SORBS3: variants seen among roughly 807,000 people sequenced by gnomAD.
SORBS3 encodes the protein vinexin.
In SORBS3, 69 loss-of-function variants were observed where a neutral mutation model predicts 98.0. The observed-to-expected ratio is 0.70, with a 90% CI of 0.58 to 0.86. The LOEUF (loss-of-function observed/expected upper bound fraction) is 0.86, where lower values mean the gene tolerates loss of function less well. SORBS3 is among the 40% of genes least tolerant of loss of function. SORBS3 has a pLI of 0.00. For synonymous variants in SORBS3, 394 were observed against 355.4 expected, an observed-to-expected ratio of 1.11 and a Z score of -1.22; for missense variants, 954 against 908.5, an observed-to-expected ratio of 1.05 and a Z score of -0.64.
chr8:22,565,826 A>G lies in SORBS3; in HGVS notation c.904A>G (p.Ser302Gly). ...AIETRLPSPKSSPAPRRAPEQ... is the reference protein window; with the variant it reads ...AIETRLPSPKGSPAPRRAPEQ... ...CTGATTGCGCCGTTTCCCCGCGCAG[A>G]GCTCGCCGGCGCCCCGACGGGCCCC... The change falls in exon 12 of 21, where the codon AGC becomes GGC. Residue 302 changes from serine to glycine, a missense_variant and splice_region_variant. Coordinates refer to ENST00000240123, the MANE Select transcript of SORBS3 (RefSeq NM_005775.5). The G allele has an allele frequency of 7.7e-7, 1 of 1,305,716 alleles. No individual in the cohort carries two copies. The highest frequency in any genetic ancestry group is 2.1e-5 in the South Asian group (1 of 48,316). The allele number at this position is 1,305,716 out of a possible 1,614,324, so 80.9% of individuals were successfully genotyped here.
At chr8:22,566,174 C>T (rs1840413437) in intron 12 of SORBS3, 171 bp from the exon 13 acceptor site, 1 of 921,684 alleles carries the variant, frequency 1.1e-6, no homozygotes, top group South Asian at 2.2e-5. Flanking sequence ...CTCACCCTTC[C>T]CCGCGCAGCG....
At chr8:22,565,629 G>T in intron 11 of SORBS3, 197 bp from the exon 12 acceptor site, 1 of 1,064,452 alleles carries the variant, frequency 9.4e-7, no homozygotes, top group Non-Finnish European at 1.2e-6. Context: ...CGGCCCCCGG[G>T]CCCCAGCCTC....
chr8:22,547,416 AC>A (rs1244806633), upstream of SORBS3, among the ~76,000 whole-genome samples: 1 of 152,138 alleles, frequency 6.6e-6, no homozygotes, highest in Admixed American at 6.5e-5. Flanking sequence ...AATGAAGCAG[AC>A]TTTTTAATGT....
chr8:22,558,256 G>C, intron 5 of SORBS3, 64 bp downstream of exon 5: 1 of 1,493,076 alleles, frequency 6.7e-7, no homozygotes, highest in Non-Finnish European at 9.3e-7. Flanking sequence ...GGCTTGGAGA[G>C]ACAGGGAAAG....
At chr8:22,568,488 G>A (rs1230377035) in intron 16 of SORBS3, among the ~76,000 whole-genome samples, 2 of 152,140 alleles carry the variant, frequency 1.3e-5, no homozygotes, top group African/African-American at 4.8e-5. Flanking sequence ...CCATGGGTTG[G>A]GTTGTTGTTT....
At chr8:22,564,710 T>A in intron 10 of SORBS3, 189 bp downstream of exon 10, 1 of 1,410,732 alleles carries the variant, frequency 7.1e-7, no homozygotes, top group South Asian at 1.5e-5. Context: ...AAACATGTGT[T>A]AAATAAATAT....
chr8:22,547,564 A>G (rs1840029057), upstream of SORBS3, among the ~76,000 whole-genome samples: 1 of 152,198 alleles, frequency 6.6e-6, no homozygotes, highest in Non-Finnish European at 1.5e-5. Context: ...TACCCATCGC[A>G]GTCTACCTGA....
At chr8:22,556,111 ACTTAGAG>A (rs1273398680) in intron 3 of SORBS3, among the ~76,000 whole-genome samples, 1 of 152,200 alleles carries the variant, frequency 6.6e-6, no homozygotes, top group Non-Finnish European at 1.5e-5. Context: ...TGCCCTAGCT[ACTTAGAG>A]GCTAACACTT....
At position 22,569,291 on chromosome 8, in the gene SORBS3, C is replaced by T. The variant is rs200959274; in HGVS notation, c.1431+18C>T. 2.3e-5 allele frequency: 36 copies of T among 1,563,876 alleles called. 1 individual carries two copies. Among genetic ancestry groups the T allele is most frequent in the South Asian group, 5.8e-5 (5 of 85,850 alleles). ...TCCGCAAGGTGGGCCAGGCCGGAGA[C>T]GGAGGGGTGGGTGGGGGCAGGTGAA... On this transcript the variant is annotated intron_variant, in intron 17 of 20. Transcript: ENST00000240123.
upstream of SORBS3, among the ~76,000 whole-genome samples, chr8:22,547,979 C>T (rs1840033768): frequency 1.3e-5 from 2 of 152,184 alleles, no homozygotes; most frequent in South Asian, 2.1e-4. Context: ...ATACATCATG[C>T]GTGTGCTATG....
intron 11 of SORBS3, 114 bp downstream of exon 11, chr8:22,565,468 C>A (rs1840388611): frequency 6.1e-6 from 5 of 822,764 alleles, no homozygotes; most frequent in Non-Finnish European, 8.6e-6. Context: ...GTCCGGCCTC[C>A]AGCGGCGCGC....
Position 22,566,672 on chromosome 8 carries a change from T to C in SORBS3, c.1102T>C (p.Ser368Pro). 6.2e-7 allele frequency: 1 copy of C among 1,608,532 alleles called. No individual in the cohort carries two copies. Among genetic ancestry groups the C allele is most frequent in the Non-Finnish European group, 8.5e-7 (1 of 1,178,354 alleles). The part of the protein sequence containing the change: ...YPSSTRDPSA[S>P]NGGGSPARRE... ...GTGCTTCTCCACAGACCCTAGTGCC[T>C]CTAACGGAGGGGGCAGCCCAGCCAG... Residue 368 changes from serine (S) to proline (P), a missense_variant, in exon 14 of 21, where the codon TCT (serine) becomes CCT (proline). By Grantham distance (74) the Ser-to-Pro change is moderately conservative. Coordinates refer to ENST00000240123, the MANE Select transcript of SORBS3 (RefSeq NM_005775.5).
intron 20 of SORBS3, 75 bp from the exon 21 acceptor site, chr8:22,574,591 AG>A: frequency 2.1e-6 from 3 of 1,440,532 alleles, no homozygotes; most frequent in Non-Finnish European, 1.9e-6. Flanking sequence ...CACTGCCGGC[AG>A]GGGGCAGGCC....
Position 22,554,580 on chromosome 8 carries a change from A to G in SORBS3, c.74A>G (p.His25Arg). 6.2e-7 allele frequency: 1 copy of G among 1,612,868 alleles called. No homozygotes were observed. Among genetic ancestry groups the G allele is most frequent in the Non-Finnish European group, 8.5e-7 (1 of 1,179,948 alleles). ...TTCATCCCTGGCCACCTCCAGTCCC[A>G]CATAGGGTCTTCCTCCCGGGGGACA... ...DDFIPGHLQSHIGSSSRGTRV... is the reference protein window; with the variant it reads ...DDFIPGHLQSRIGSSSRGTRV... Residue 25 changes from histidine to arginine, a missense_variant, in exon 2 of 21, where the codon CAC (histidine) becomes CGC (arginine). Physicochemically the swap from His to Arg is conservative, Grantham distance 29. Coordinates refer to ENST00000240123, the MANE Select transcript of SORBS3 (RefSeq NM_005775.5). This position sits in a 1 kb window ranked among gnomAD's most constrained non-coding sequence, Gnocchi z 6.5.
At chr8:22,561,304 T>C (rs1406694664) in intron 5 of SORBS3, 31 bp from the exon 6 acceptor site, 1 of 1,562,772 alleles carries the variant, frequency 6.4e-7, no homozygotes, top group Non-Finnish European at 8.7e-7. Context: ...TTCTGCCCCG[T>C]CCCATGACCT....
At chr8:22,562,193 C>T (rs765044929) in intron 7 of SORBS3, among the ~76,000 whole-genome samples, 3 of 152,302 alleles carry the variant, frequency 2.0e-5, no homozygotes, top group Non-Finnish European at 4.4e-5. Flanking sequence ...GCCTGTGATG[C>T]GTTTGTGGTC....
chr8:22,564,136 C>T, intron 8 of SORBS3, 59 bp downstream of exon 8: 2 of 1,549,568 alleles, frequency 1.3e-6, no homozygotes. Flanking sequence ...GGCCAAGACC[C>T]TATGCCACGA....
intron 3 of SORBS3, among the ~76,000 whole-genome samples, chr8:22,555,233 G>A (rs553855777): frequency 2.9e-4 from 44 of 152,296 alleles, no homozygotes; most frequent in Non-Finnish European, 6.2e-4. Context: ...CCAGGGAAAG[G>A]AAGCGTGCAG....
intron 15 of SORBS3, 78 bp from the exon 16 acceptor site, chr8:22,566,983 G>T: frequency 1.3e-6 from 2 of 1,541,058 alleles, no homozygotes; most frequent in Non-Finnish European, 1.8e-6. Flanking sequence ...GAGAACTGGG[G>T]TGTGTTGGGC....
Sources: gnomAD v4.1 joint callset for allele counts (sites outside exome capture counted in the v4.1 genomes callset) on GRCh38, gnomAD v4.1.1 for gene constraint, Gnocchi (gnomAD v3.1) non-coding constraint, MANE v1.5 for transcripts, NCBI Gene and HGNC (gene_info 2026-07-23, HGNC 2026-07-21) for gene names.